ATP10D: variants seen among roughly 807,000 people sequenced by gnomAD.
The protein encoded by ATP10D is ATPase phospholipid transporting 10D (putative).
A neutral mutation model predicts 144.8 loss-of-function variants in ATP10D; 89 were observed. That is an observed-to-expected ratio of 0.61 (90% CI 0.52 to 0.73). The LOEUF is 0.73. Ranked by LOEUF, ATP10D falls within the 30% of genes least tolerant of loss-of-function variation. ATP10D has a pLI of 0.00. For synonymous variants in ATP10D, 571 were observed against 615.1 expected, an observed-to-expected ratio of 0.93 and a Z score of 1.06; for missense variants, 1,603 against 1,714.8, an observed-to-expected ratio of 0.93 and a Z score of 1.15.
chr4:47,500,160 T>C (rs1317959433), intron 1 of ATP10D, among the ~76,000 whole-genome samples: 2 of 152,254 alleles, frequency 1.3e-5, no homozygotes, highest in Non-Finnish European at 2.9e-5. Context: ...GATATTATAC[T>C]CTTCTAGGCC....
intron 10 of ATP10D, among the ~76,000 whole-genome samples, chr4:47,550,892 G>A (rs949051649): frequency 1.3e-5 from 2 of 152,200 alleles, no homozygotes; most frequent in African/African-American, 4.8e-5. Context: ...AGCTCAGCTC[G>A]AGCCATAACA....
chr4:47,547,099 AAAG>A (rs1356581298), intron 10 of ATP10D: 2 of 523,420 alleles, frequency 3.8e-6, no homozygotes, highest in African/African-American at 1.9e-5. Flanking sequence ...TGAAAAAAAA[AAAG>A]GAGAATATTT....
chr4:47,577,018 T>G, intron 19 of ATP10D, 45 bp downstream of exon 19: 4 of 1,541,390 alleles, frequency 2.6e-6, no homozygotes, highest in Non-Finnish European at 3.6e-6. Context: ...ATATCCATTG[T>G]CAAAGCCAGT....
At chr4:47,499,199 C>T (rs928990371) in intron 1 of ATP10D, among the ~76,000 whole-genome samples, 4 of 152,242 alleles carry the variant, frequency 2.6e-5, no homozygotes, top group African/African-American at 9.6e-5. Flanking sequence ...GTGCCTGATC[C>T]GTTTACTAGA....
chr4:47,488,066 G>A (rs181469285), intron 1 of ATP10D, among the ~76,000 whole-genome samples: 13 of 152,090 alleles, frequency 8.5e-5, no homozygotes, highest in East Asian at 1.9e-4. Flanking sequence ...AATATGAATC[G>A]CATATGAAGA....
rs1220755695 is a variant in ATP10D, at chr4:47,591,463, T to C, written c.*82T>C. 3.3e-6 allele frequency: 4 copies of C among 1,230,404 alleles called. No homozygotes were observed. The highest frequency in any genetic ancestry group is 1.5e-5 in the African/African-American group (1 of 65,684). The allele number at this position is 1,230,404 out of a possible 1,614,324, so 76.2% of individuals were successfully genotyped here. ...GGTATCTCTCCAAGCAAGAATGACT[T>C]GTTTTTCCATAAGGGACATGAGCAT... On this transcript the variant is annotated 3_prime_UTR_variant, in exon 23 of 23. Transcript: ENST00000273859.
At chr4:47,503,936 A>AAAATT (rs1273895811) in intron 1 of ATP10D, among the ~76,000 whole-genome samples, 1 of 151,996 alleles carries the variant, frequency 6.6e-6, no homozygotes, top group Non-Finnish European at 1.5e-5. Flanking sequence ...AAAATAAAAT[A>AAAATT]AAATTAAGTA....
intron 1 of ATP10D, among the ~76,000 whole-genome samples, chr4:47,489,268 CA>C (rs1714950406): frequency 6.6e-6 from 1 of 151,872 alleles, no homozygotes; most frequent in Non-Finnish European, 1.5e-5. Flanking sequence ...GACAACAAAT[CA>C]AAATGTATCA....
At chr4:47,515,207 C>T (rs1371294630) in intron 2 of ATP10D, among the ~76,000 whole-genome samples, 3 of 151,982 alleles carry the variant, frequency 2.0e-5, no homozygotes, top group South Asian at 4.1e-4. Context: ...GTGATCTGCC[C>T]GCCTCGGCCT....
At chr4:47,527,314 C>A (rs1263681229) in intron 5 of ATP10D, among the ~76,000 whole-genome samples, 1 of 152,030 alleles carries the variant, frequency 6.6e-6, no homozygotes, top group African/African-American at 2.4e-5. Flanking sequence ...GAAAGTGAAT[C>A]CTAGACTTAA....
intron 2 of ATP10D, among the ~76,000 whole-genome samples, chr4:47,513,675 T>G (rs997044774): frequency 2.0e-5 from 3 of 152,184 alleles, no homozygotes; most frequent in African/African-American, 7.2e-5. Context: ...CTGACTTACA[T>G]GTAACATCTG....
chr4:47,487,411 C>A (rs1373950255), intron 1 of ATP10D, among the ~76,000 whole-genome samples: 1 of 151,984 alleles, frequency 6.6e-6, no homozygotes, highest in Non-Finnish European at 1.5e-5. Context: ...CATATTCAAG[C>A]CTTCATTACA....
intron 22 of ATP10D, 85 bp downstream of exon 22, chr4:47,587,291 G>A: frequency 8.1e-7 from 1 of 1,232,580 alleles, no homozygotes; most frequent in East Asian, 2.4e-5. Context: ...ACGAATGGTT[G>A]GCAGCCCACC....
At chr4:47,563,210 C>A (rs566513242) in intron 14 of ATP10D, among the ~76,000 whole-genome samples, 1 of 152,214 alleles carries the variant, frequency 6.6e-6, no homozygotes, top group South Asian at 2.1e-4. Context: ...GTTTGTGCCC[C>A]CTAAGTCTAT....
At chr4:47,494,383 G>A (rs143392068) in intron 1 of ATP10D, among the ~76,000 whole-genome samples, 6 of 151,998 alleles carry the variant, frequency 3.9e-5, no homozygotes, top group Non-Finnish European at 7.4e-5. Flanking sequence ...CGCCTACTGT[G>A]ACCATTAAAG....
intron 1 of ATP10D, among the ~76,000 whole-genome samples, chr4:47,500,155 T>C (rs1424319433): frequency 6.6e-6 from 1 of 152,258 alleles, no homozygotes; most frequent in Non-Finnish European, 1.5e-5. Context: ...TGCCTGATAT[T>C]ATACTCTTCT....
rs1381325935 is a variant in ATP10D at position 47,536,702 on chromosome 4, C to T, written c.1160C>T (p.Ser387Phe). Residue 387 changes from serine to phenylalanine, a missense_variant, in exon 9 of 23, where the codon TCT (serine) becomes TTT (phenylalanine). Transcript: ENST00000273859. ...TCTTCTTAGGTCTTGATTCCTATTTCTCTCTATGTTTCCATCGAAATTGTG... is the reference window on the plus strand; with the variant it reads ...TCTTCTTAGGTCTTGATTCCTATTTTTCTCTATGTTTCCATCGAAATTGTG... ...IILLQVLIPI[S>F]LYVSIEIVKL... The T allele has an allele frequency of 1.6e-5, 26 of 1,609,334 alleles. No homozygotes were observed. Among genetic ancestry groups the T allele is most frequent in the Non-Finnish European group, 2.1e-5 (25 of 1,178,490 alleles).
At chr4:47,549,246 G>A (rs13123704) in intron 10 of ATP10D, among the ~76,000 whole-genome samples, 36,187 of 152,126 alleles carry the variant, frequency 0.24, 4,302 homozygotes, top group Admixed American at 0.3. Context: ...TTAGATCTTT[G>A]TATAGCTGTC....
chr4:47,550,988 C>T (rs1718704141), intron 10 of ATP10D, among the ~76,000 whole-genome samples: 2 of 152,356 alleles, frequency 1.3e-5, no homozygotes, highest in African/African-American at 2.4e-5. Context: ...AAGAGGGTAG[C>T]CGTTGCCGGC....
Sources: allele counts gnomAD v4.1 joint callset (sites outside exome capture counted in the v4.1 genomes callset), GRCh38; gene constraint gnomAD v4.1.1; transcripts MANE v1.5; gene names NCBI Gene and HGNC (gene_info 2026-07-23, HGNC 2026-07-21).